Variants in FNDC3A observed in about 807,000 individuals in gnomAD.
FNDC3A encodes the protein fibronectin type-III domain-containing protein 3A.
A neutral mutation model predicts 148.9 loss-of-function variants in FNDC3A; 32 were observed. The observed-to-expected ratio is 0.21, with a 90% CI of 0.16 to 0.29. The LOEUF is 0.29. Ranked by LOEUF, FNDC3A falls within the 10% of genes least tolerant of loss-of-function variation. The pLI is 1.00. For missense variants in FNDC3A, 1,191 were observed against 1,452.8 expected (o/e 0.82, Z 2.93); for synonymous variants, 472 against 473.6 (o/e 1.00, Z 0.04).
chr13:49,079,313 G>C (rs971603581), intron 3 of FNDC3A, among the ~76,000 whole-genome samples: 1 of 152,082 alleles, frequency 6.6e-6, no homozygotes, highest in African/African-American at 2.4e-5. Context: ...TGACATTCAA[G>C]AACAGTGTCA....
chr13:49,035,075 TA>T (rs1209340162), intron 2 of FNDC3A, among the ~76,000 whole-genome samples: 1 of 152,088 alleles, frequency 6.6e-6, no homozygotes, highest in African/African-American at 2.4e-5. Context: ...AAAGTCCTTA[TA>T]TTTTTTTCTT....
chr13:49,044,875 T>A (rs1345684212), intron 2 of FNDC3A: 1 of 311,278 alleles, frequency 3.2e-6, no homozygotes, highest in Non-Finnish European at 6.5e-6. Context: ...TTGATTGTTC[T>A]TGGCAATGAG....
At chr13:49,058,406 G>A (rs979088367) in intron 2 of FNDC3A, among the ~76,000 whole-genome samples, 21 of 152,050 alleles carry the variant, frequency 1.4e-4, no homozygotes, top group African/African-American at 4.6e-4. Context: ...GTCTGCTTGC[G>A]GATTTCATTT....
intron 1 of FNDC3A, among the ~76,000 whole-genome samples, chr13:49,004,522 A>G (rs1249653741): frequency 6.6e-6 from 1 of 152,036 alleles, no homozygotes; most frequent in Non-Finnish European, 1.5e-5. Flanking sequence ...ATGTGGCTCT[A>G]TACCCAGTCT....
rs368074046 is a variant in FNDC3A at position 49,115,181 on chromosome 13, TGAG to T, written c.252+452_252+454del. ...AAAAGAGTTTAGCAACCCTGAGGGA[TGAG>T]GGGGGGGGGGAAATAAAAAAAAAAA... is the stretch of plus-strand genomic sequence containing the variant. On this transcript the variant is annotated intron_variant, in intron 4 of 25. Coordinates refer to ENST00000492622, the MANE Select transcript of FNDC3A (RefSeq NM_001079673.2). Among the ~76,000 whole-genome samples the T allele has an allele frequency of 5.2e-3, 473 of 90,446 alleles. 5 individuals are homozygous for T. The highest frequency in any genetic ancestry group is 0.012 in the South Asian group (27 of 2,332). 59.3% of individuals were successfully genotyped at this position (90,446 alleles called of 152,430 possible). A position where few individuals can be genotyped will look rare whatever the true frequency, so the allele number is the denominator to read the frequency against.
In FNDC3A at chr13:48,987,304, T is replaced by C. The variant is rs530641307; in HGVS notation, c.-40+11127T>C. On this transcript the variant is annotated intron_variant, in intron 1 of 25. Coordinates refer to ENST00000492622, the MANE Select transcript of FNDC3A (RefSeq NM_001079673.2). ...AAGAAAAACTGATCTATGTGCACAC[T>C]ATCAGTCCTTTAATGGACTGGGGTT... is the stretch of plus-strand genomic sequence containing the variant. Among the ~76,000 whole-genome samples the C allele has an allele frequency of 4.6e-5, 7 of 152,318 alleles. No individual in the cohort carries two copies. The South Asian group carries it at 1.4e-3, about 32-fold the overall frequency.
intron 2 of FNDC3A, among the ~76,000 whole-genome samples, chr13:49,070,436 T>C (rs141153193): frequency 1.7e-3 from 261 of 152,340 alleles, no homozygotes; most frequent in African/African-American, 6.1e-3. Flanking sequence ...ACCAGAGTTT[T>C]TTAATACTAA....
At chr13:49,123,827 A>G (rs984535204) in intron 4 of FNDC3A, among the ~76,000 whole-genome samples, 8 of 152,354 alleles carry the variant, frequency 5.3e-5, no homozygotes, top group African/African-American at 1.9e-4. Flanking sequence ...AATGGCGGTC[A>G]TTAAAAAGTC....
In FNDC3A at chr13:49,198,338, CT is replaced by C. The variant is rs200287574; in HGVS notation, c.2775-17del. On this transcript the variant is annotated intron_variant, in intron 22 of 25. Transcript: ENST00000492622. ...TTTAAATAAAACAATCATAACCAAA[CT>C]TTTTTTCTTATGTGGCACTTAGAAT... 3,644 of 1,612,640 alleles carry C rather than the reference CT, an allele frequency of 2.3e-3. 66 individuals carry two copies. In the East Asian group the frequency reaches 0.049, roughly 22 times the overall value.
chr13:49,053,461 G>C (rs1196017707), intron 2 of FNDC3A, among the ~76,000 whole-genome samples: 1 of 152,194 alleles, frequency 6.6e-6, no homozygotes, highest in African/African-American at 2.4e-5. Flanking sequence ...GTGAACATGA[G>C]CCCAAGGTGG....
At chr13:48,995,327 T>G (rs1300797755) in intron 1 of FNDC3A, among the ~76,000 whole-genome samples, 1 of 152,054 alleles carries the variant, frequency 6.6e-6, no homozygotes, top group African/African-American at 2.4e-5. Context: ...TTTTTTCTTT[T>G]AGCATAACAA....
At chr13:49,035,316 T>G (rs1037270451) in intron 2 of FNDC3A, among the ~76,000 whole-genome samples, 1 of 152,040 alleles carries the variant, frequency 6.6e-6, no homozygotes, top group Non-Finnish European at 1.5e-5. Flanking sequence ...TAGTTGCATA[T>G]GTATACACTG....
intron 4 of FNDC3A, among the ~76,000 whole-genome samples, chr13:49,118,877 C>A (rs1231122207): frequency 6.6e-6 from 1 of 152,202 alleles, no homozygotes; most frequent in African/African-American, 2.4e-5. Flanking sequence ...AGATAAAACG[C>A]CCGTCTTCCT....
intron 1 of FNDC3A, among the ~76,000 whole-genome samples, chr13:48,994,401 A>G (rs1951983512): frequency 6.6e-6 from 1 of 152,252 alleles, no homozygotes; most frequent in South Asian, 2.1e-4. Context: ...TGATGATTTA[A>G]GGAATTATTG....
chr13:49,016,258 T>G (rs1339744185), intron 2 of FNDC3A, among the ~76,000 whole-genome samples: 1 of 152,182 alleles, frequency 6.6e-6, no homozygotes, highest in Non-Finnish European at 1.5e-5. Context: ...TGGTAAGCTA[T>G]TGATTATTGC....
At chr13:49,199,212 G>A (rs911117746) in intron 23 of FNDC3A, among the ~76,000 whole-genome samples, 1 of 151,938 alleles carries the variant, frequency 6.6e-6, no homozygotes, top group African/African-American at 2.4e-5. Flanking sequence ...GTAGAGATGG[G>A]GTTTCACCAT....
intron 2 of FNDC3A, chr13:49,044,843 G>T: frequency 2.7e-6 from 1 of 364,616 alleles, no homozygotes; most frequent in Non-Finnish European, 5.5e-6. Context: ...AAACTACTGG[G>T]GTTTGTGCAA....
At chr13:48,999,830 G>A (rs1382905679) in intron 1 of FNDC3A, among the ~76,000 whole-genome samples, 1 of 152,140 alleles carries the variant, frequency 6.6e-6, no homozygotes, top group Non-Finnish European at 1.5e-5. Context: ...TGAGGCAACA[G>A]CAAGAAGATA....
intron 3 of FNDC3A, among the ~76,000 whole-genome samples, chr13:49,091,127 G>A (rs1879165452): frequency 6.6e-6 from 1 of 151,950 alleles, no homozygotes; most frequent in Non-Finnish European, 1.5e-5. Context: ...AAAAAAATCA[G>A]AACAATAACA....
Sources: allele counts gnomAD v4.1 joint callset (sites outside exome capture counted in the v4.1 genomes callset), GRCh38; gene constraint gnomAD v4.1.1; transcripts MANE v1.5; gene names NCBI Gene and HGNC (gene_info 2026-07-23, HGNC 2026-07-21).